The following CDC42BPG variants were observed in gnomAD, a reference collection of about 807,000 sequenced individuals.
CDC42BPG encodes the protein serine/threonine-protein kinase MRCK gamma.
CDC42BPG carries 157 observed loss-of-function variants against 192.2 expected under a neutral mutation model. The ratio of observed to expected loss-of-function variants is 0.82; its 90% confidence interval spans 0.72 to 0.93. The LOEUF (loss-of-function observed/expected upper bound fraction) is 0.93. Among genes scored for constraint, CDC42BPG ranks in the 40% least tolerant of loss-of-function variants. The pLI is 0.00. For missense variants in CDC42BPG, 1,992 were observed against 2,122.1 expected (o/e 0.94, Z 1.20); for synonymous variants, 981 against 918.5 (o/e 1.07, Z -1.23).
rs1293103901 is a variant in CDC42BPG at position 64,823,610 on chromosome 11, G to A, written c.*863C>T. On this transcript the variant is annotated 3_prime_UTR_variant, in exon 37 of 37. Coordinates refer to ENST00000342711, the MANE Select transcript of CDC42BPG (RefSeq NM_017525.3). ...ATTCGAGAAAAACGACCCCCTTTCT[G>A]GGAAGGGCCAGAGTGTGCCCGGAGA... 6.6e-6 allele frequency: 1 copy of A among 152,056 alleles called. No homozygotes were observed. The highest frequency in any genetic ancestry group is 2.4e-5 in the African/African-American group (1 of 41,386). 9.4% of individuals were successfully genotyped at this position (152,056 alleles called of 1,614,324 possible). A position where few individuals can be genotyped will look rare whatever the true frequency, so the allele number is the denominator to read the frequency against.
intron 1 of CDC42BPG, among the ~76,000 whole-genome samples, chr11:64,842,447 G>A (rs1357658840): frequency 6.6e-6 from 1 of 152,104 alleles, no homozygotes; most frequent in Non-Finnish European, 1.5e-5. Flanking sequence ...CAGCCCCTAG[G>A]GCAGGGAGGA....
At position 64,834,430 on chromosome 11, in the gene CDC42BPG, G is replaced by A. The variant is rs762992251; in HGVS notation, c.2323C>T (p.Arg775Cys). ...CCCAGTGCCTGCCCCTAGCCTCACC[G>A]CTCAGCCTGCAGCTGGGCCTCCTGC... ...QVQEAQLQAE[R>C]RLQEAEKQSQ... Residue 775 changes from arginine (R) to cysteine (C), a missense_variant and splice_region_variant, in exon 19 of 37, where the codon CGC becomes TGC. Around this residue, in one of 2 missense-constraint regions of CDC42BPG, gnomAD observed 1,656 missense variants for 1,844.3 expected, o/e 0.90. Coordinates refer to ENST00000342711, the MANE Select transcript of CDC42BPG (RefSeq NM_017525.3). 5.1e-5 allele frequency: 80 copies of A among 1,563,494 alleles called. No individual in the cohort carries two copies. The South Asian group carries it at 6.4e-4, about 12-fold the overall frequency.
rs1405240388 is a variant in CDC42BPG at position 64,835,528 on chromosome 11, C to T, written c.1852G>A (p.Glu618Lys). Reference protein sequence around the residue: ...QLRKEVAALREQLEQAHSHRP... With the variant: ...QLRKEVAALRKQLEQAHSHRP... ...TGGCTGTGGGCCTGCTCCAGCTGCTCTCGCAGGGCGGCCACCTCCTTCCTC... is the reference window on the plus strand; with the variant it reads ...TGGCTGTGGGCCTGCTCCAGCTGCTTTCGCAGGGCGGCCACCTCCTTCCTC... Residue 618 changes from glutamate to lysine, a missense_variant, in exon 15 of 37, where the codon GAG becomes AAG. Glu to Lys is a moderately conservative substitution (Grantham distance 56). This residue lies in a region of CDC42BPG where 1,656 missense variants were observed against 1,844.3 expected (regional missense o/e 0.90). Coordinates refer to ENST00000342711, the MANE Select transcript of CDC42BPG (RefSeq NM_017525.3). 2 of 1,595,630 alleles carry T rather than the reference C, an allele frequency of 1.3e-6. No homozygotes were observed. Among genetic ancestry groups the T allele is most frequent in the Non-Finnish European group, 1.7e-6 (2 of 1,174,368 alleles).
chr11:64,844,531 C>G lies in CDC42BPG; in HGVS notation c.39G>C (p.Arg13=). 1 of 1,307,260 alleles carries G rather than the reference C, an allele frequency of 7.6e-7. No homozygotes were observed. The allele number at this position is 1,307,260 out of a possible 1,614,324, so 81.0% of individuals were successfully genotyped here. ...RRLRALEQLA[R]GEAGGCPGLD... ...GCCCCGGGCAGCCGCCGGCCTCGCC[C>G]CGCGCCAGCTGCTCCAGCGCGCGCA... Residue 13 remains arginine (R), a synonymous_variant, in exon 1 of 37, where the codon CGG becomes CGC. Coordinates refer to ENST00000342711, the MANE Select transcript of CDC42BPG (RefSeq NM_017525.3).
chr11:64,842,957 C>T (rs1050316457), intron 1 of CDC42BPG, among the ~76,000 whole-genome samples: 1 of 152,130 alleles, frequency 6.6e-6, no homozygotes, highest in Non-Finnish European at 1.5e-5. Flanking sequence ...GGGTGGAAAC[C>T]TCATTACAGA....
At position 64,840,248 on chromosome 11, in the gene CDC42BPG, A is replaced by AG; in HGVS notation, c.452_453insC (p.Ala152CysfsTer27). On this transcript the variant is annotated frameshift_variant, in exon 5 of 37. Transcript: ENST00000342711. LOFTEE classifies it high-confidence loss of function. ...GCAGCGTCAGGAGGTCCCCACCAGC[A>AG]TAGTAGTCCATCACAAGGTACTGGA... 2 of 1,612,338 alleles carry AG rather than the reference A, an allele frequency of 1.2e-6. No homozygotes were observed. Among genetic ancestry groups the AG allele is most frequent in the Non-Finnish European group, 1.7e-6 (2 of 1,179,972 alleles).
At position 64,827,329 on chromosome 11, in the gene CDC42BPG, T is replaced by G; in HGVS notation, c.4220A>C (p.Lys1407Thr). The G allele has an allele frequency of 6.2e-7, 1 of 1,614,044 alleles. No homozygotes were observed. The highest frequency in any genetic ancestry group is 8.5e-7 in the Non-Finnish European group (1 of 1,179,962). Residue 1407 changes from lysine (K) to threonine (T), a missense_variant, in exon 33 of 37, where the codon AAG (lysine) becomes ACG (threonine). Transcript: ENST00000342711. ...CGACACGCGGAAAAAGAAGCGGCGC[T>G]TGCTCTTGGTGCGGAACAGCTGGCG... is the stretch of plus-strand genomic sequence containing the variant. ...SRRQLFRTKS[K>T]RRFFFRVSEE...
intron 8 of CDC42BPG, 130 bp from the exon 9 acceptor site, chr11:64,838,292 A>G: frequency 1.5e-6 from 1 of 656,298 alleles, no homozygotes; most frequent in South Asian, 1.9e-5. Context: ...AACACAGCCC[A>G]ACCCAAACAA....
intron 9 of CDC42BPG, among the ~76,000 whole-genome samples, chr11:64,837,299 G>A (rs2136351024): frequency 6.6e-6 from 1 of 152,312 alleles, no homozygotes; most frequent in East Asian, 1.9e-4. Flanking sequence ...GGAAGATGGT[G>A]GTGACAAGGC....
intron 28 of CDC42BPG, chr11:64,830,583 G>A (rs577996513): frequency 1.4e-4 from 60 of 434,660 alleles, no homozygotes; most frequent in Non-Finnish European, 2.2e-4. Context: ...GCAGGGGAGG[G>A]TTCAGCAGAG....
rs1942316877 is a variant in CDC42BPG, at chr11:64,823,478, A to C, written c.*995T>G. 2 of 151,984 alleles carry C rather than the reference A, an allele frequency of 1.3e-5. No individual in the cohort carries two copies. Among genetic ancestry groups the C allele is most frequent in the African/African-American group, 4.8e-5 (2 of 41,380 alleles). The allele number at this position is 151,984 out of a possible 1,614,324, so 9.4% of individuals were successfully genotyped here. A position where few individuals can be genotyped will look rare whatever the true frequency, so the allele number is the denominator to read the frequency against. ...GAGATAAATACTTATTTTGCCCCCC[A>C]CACTTCAGTGGGGGGAGGTTTAATA... On this transcript the variant is annotated 3_prime_UTR_variant, in exon 37 of 37. Coordinates refer to ENST00000342711, the MANE Select transcript of CDC42BPG (RefSeq NM_017525.3).
At position 64,836,316 on chromosome 11, in the gene CDC42BPG, A is replaced by G; in HGVS notation, c.1489-20T>C. The G allele has an allele frequency of 6.2e-7, 1 of 1,608,056 alleles. No homozygotes were observed. The highest frequency in any genetic ancestry group is 8.5e-7 in the Non-Finnish European group (1 of 1,177,826). On this transcript the variant is annotated intron_variant, in intron 12 of 36. Transcript: ENST00000342711. The stretch of plus-strand genomic sequence containing the variant: ...CAGCTCCTGAGGAGGCAGGGGAGGG[A>G]GCGGGGAAGGACAAGGCCCAGAGTC...
rs546181428 is a variant in CDC42BPG, at chr11:64,823,188, G to A, written c.*1285C>T. On this transcript the variant is annotated 3_prime_UTR_variant, in exon 37 of 37. Coordinates refer to ENST00000342711, the MANE Select transcript of CDC42BPG (RefSeq NM_017525.3). ...TGCAAGCTCCGCCTCCCGGGTTCAC[G>A]CCATTCTCCTGCCTCAGCCTCCCGA... Among the ~76,000 whole-genome samples, 33 of 150,958 alleles carry A rather than the reference G, an allele frequency of 2.2e-4. No individual in the cohort carries two copies. Among genetic ancestry groups the A allele is most frequent in the South Asian group, 1.5e-3 (7 of 4,778 alleles).
chr11:64,826,890 G>A, intron 34 of CDC42BPG, 96 bp from the exon 35 acceptor site: 1 of 1,350,384 alleles, frequency 7.4e-7, no homozygotes, highest in South Asian at 1.5e-5. Flanking sequence ...ACGCCACTGG[G>A]CCCCCAGCCT....
At chr11:64,842,330 G>A (rs547674094) in intron 1 of CDC42BPG, among the ~76,000 whole-genome samples, 7 of 152,290 alleles carry the variant, frequency 4.6e-5, no homozygotes, top group Non-Finnish European at 8.8e-5. Flanking sequence ...GAAACTGGAC[G>A]GGTGACATTC....
At chr11:64,826,889 G>C (rs947015866) in intron 34 of CDC42BPG, 95 bp from the exon 35 acceptor site, 1 of 1,356,060 alleles carries the variant, frequency 7.4e-7, no homozygotes, top group African/African-American at 1.5e-5. Context: ...AACGCCACTG[G>C]GCCCCCAGCC....
rs754647027 is a variant in CDC42BPG, at chr11:64,836,707, GGGGGGGGGGGGGGGGT to G, written c.1384+16_1384+31del. The G allele has an allele frequency of 6.6e-6, 4 of 603,800 alleles. No homozygotes were observed. The highest frequency in any genetic ancestry group is 4.5e-5 in the South Asian group (2 of 44,238). The allele number at this position is 603,800 out of a possible 1,614,324, so 37.4% of individuals were successfully genotyped here. ...CCGAGCCCAGGTGGGACTCAGCCCTGGGGGGGGGGGGGGGGTGGGCGGAAGGGATACCTGGCAGCCT... is the reference window on the plus strand; with the variant it reads ...CCGAGCCCAGGTGGGACTCAGCCCTGGGGCGGAAGGGATACCTGGCAGCCT... On this transcript the variant is annotated intron_variant, in intron 11 of 36. Transcript: ENST00000342711.
chr11:64,824,627 C>T, intron 36 of CDC42BPG, 98 bp from the exon 37 acceptor site: 1 of 765,420 alleles, frequency 1.3e-6, no homozygotes, highest in Non-Finnish European at 2.2e-6. Context: ...GACCCATCAC[C>T]CACTGTATCA....
intron 13 of CDC42BPG, 44 bp downstream of exon 13, chr11:64,836,073 G>T (rs367654538): frequency 1.3e-6 from 2 of 1,538,960 alleles, no homozygotes; most frequent in Non-Finnish European, 1.8e-6. Context: ...AGGCACACTG[G>T]GGGCAGGGCC....
Sources: gnomAD v4.1 joint callset for allele counts (sites outside exome capture counted in the v4.1 genomes callset) on GRCh38, gnomAD v4.1.1 for gene constraint, gnomAD v4.1.1 regional missense constraint, MANE v1.5 for transcripts, NCBI Gene and HGNC (gene_info 2026-07-23, HGNC 2026-07-21) for gene names.